The following RIMS2 variants were observed in gnomAD, a reference collection of about 807,000 sequenced individuals.
RIMS2 encodes the protein regulating synaptic membrane exocytosis 2.
A neutral mutation model predicts 174.4 loss-of-function variants in RIMS2; 59 were observed. The observed-to-expected ratio is 0.34, with a 90% confidence interval of 0.27 to 0.42. The LOEUF (loss-of-function observed/expected upper bound fraction) is 0.42, where lower values mean the gene tolerates loss of function less well. RIMS2 is among the 10% of genes least tolerant of loss of function. The pLI is 1.00. For synonymous variants in RIMS2, 606 were observed against 572.5 expected (o/e 1.06, Z -0.84); for missense variants, 1,620 against 1,666.3 (o/e 0.97, Z 0.48).
chr8:103,690,877 GT>G, intron 1 of RIMS2, among the ~76,000 whole-genome samples: 1 of 152,250 alleles, frequency 6.6e-6, no homozygotes, highest in East Asian at 1.9e-4. Context: ...AGCATTTCTT[GT>G]TGGCAGGTCT....
In RIMS2 at chr8:103,822,515, T is replaced by G. The variant is rs577848242; in HGVS notation, c.698+55978T>G. ...TTAAATGAAATTTATCTATGAGTAA[T>G]AATTATTAAAATATTTTAGACTAAC... On this transcript the variant is annotated intron_variant, in intron 3 of 23. Transcript: ENST00000504942. Among the ~76,000 whole-genome samples, 8 of 151,944 alleles carry G rather than the reference T, an allele frequency of 5.3e-5. No individual in the cohort carries two copies. The East Asian group carries it at 1.5e-3, about 29-fold the overall frequency.
intron 1 of RIMS2, among the ~76,000 whole-genome samples, chr8:103,629,067 C>G (rs1024875): frequency 0.12 from 18,876 of 152,056 alleles, 1,273 homozygotes; most frequent in Middle Eastern, 0.22. Context: ...GATGCAGGCT[C>G]TCAGCAGAAA....
chr8:103,609,139 C>T (rs757425998), intron 1 of RIMS2, among the ~76,000 whole-genome samples: 1 of 152,088 alleles, frequency 6.6e-6, no homozygotes, highest in Non-Finnish European at 1.5e-5. Flanking sequence ...TGCTTGTTGG[C>T]CACATGTATG....
chr8:103,681,195 C>A (rs2096875891), intron 1 of RIMS2, among the ~76,000 whole-genome samples: 1 of 151,984 alleles, frequency 6.6e-6, no homozygotes, highest in Non-Finnish European at 1.5e-5. Context: ...TTACCATTTA[C>A]CAGCTGTTTG....
intron 19 of RIMS2, among the ~76,000 whole-genome samples, chr8:104,178,617 T>G (rs914279688): frequency 1.3e-5 from 2 of 152,138 alleles, no homozygotes; most frequent in African/African-American, 4.8e-5. Context: ...GGGAACATCT[T>G]TAGAATTCTG....
intron 3 of RIMS2, among the ~76,000 whole-genome samples, chr8:103,787,101 T>G (rs1158834932): frequency 6.8e-6 from 1 of 146,654 alleles, no homozygotes; most frequent in Admixed American, 6.8e-5. Flanking sequence ...AACCCCTGCC[T>G]TTTTTTGTTT....
At chr8:103,674,761 A>G (rs1164216090) in intron 1 of RIMS2, among the ~76,000 whole-genome samples, 2 of 152,140 alleles carry the variant, frequency 1.3e-5, no homozygotes, top group South Asian at 2.1e-4. Context: ...ACTGTTTTAT[A>G]TCAGCATTTG....
intron 3 of RIMS2, among the ~76,000 whole-genome samples, chr8:103,780,778 T>C (rs1188555885): frequency 6.6e-6 from 1 of 152,168 alleles, no homozygotes; most frequent in Admixed American, 6.6e-5. Flanking sequence ...AATGGTTTCC[T>C]GTTTGCTATT....
At chr8:103,568,846 G>T (rs2092586885) in intron 1 of RIMS2, 2 of 1,159,014 alleles carry the variant, frequency 1.7e-6, no homozygotes, top group Admixed American at 3.5e-5. Flanking sequence ...GGGTTAGCTG[G>T]CTGGTCTTTG....
chr8:103,652,727 A>G lies in RIMS2; in HGVS notation c.177-44359A>G, dbSNP rs760760416. 5.3e-5 allele frequency: 68 copies of G among 1,290,946 alleles called. No individual in the cohort carries two copies. The highest frequency in any genetic ancestry group is 6.3e-5 in the Non-Finnish European group (61 of 970,232). 80.0% of individuals were successfully genotyped at this position (1,290,946 alleles called of 1,614,324 possible). A position where few individuals can be genotyped will look rare whatever the true frequency, so the allele number is the denominator to read the frequency against. On this transcript the variant is annotated intron_variant, in intron 1 of 23. Transcript: ENST00000504942. ...GCCCCAGACGTAAGTAAGCTGATCTATATAGACTAAATATTATCTCTGATA... is the reference window on the plus strand; with the variant it reads ...GCCCCAGACGTAAGTAAGCTGATCTGTATAGACTAAATATTATCTCTGATA...
intron 2 of RIMS2, among the ~76,000 whole-genome samples, chr8:103,712,646 A>G (rs1432577603): frequency 6.6e-6 from 1 of 152,220 alleles, no homozygotes; most frequent in African/African-American, 2.4e-5. Flanking sequence ...ATAGGAGACT[A>G]TACAACAGTT....
At chr8:103,529,148 A>G (rs1169734529) in intron 1 of RIMS2, among the ~76,000 whole-genome samples, 8 of 152,242 alleles carry the variant, frequency 5.3e-5, no homozygotes, top group Non-Finnish European at 1.2e-4. Context: ...ATTCTCTTTG[A>G]AGCAGTTGTG....
At chr8:104,176,181 T>C (rs1327901856) in intron 19 of RIMS2, among the ~76,000 whole-genome samples, 1 of 152,190 alleles carries the variant, frequency 6.6e-6, no homozygotes, top group Non-Finnish European at 1.5e-5. Flanking sequence ...TATCTGGCAA[T>C]ATGTGCTCCC....
chr8:104,231,735 T>C lies in RIMS2; in HGVS notation c.3335-13181T>C, dbSNP rs532211150. 3.8e-4 allele frequency among the ~76,000 whole-genome samples: 58 copies of C among 152,358 alleles called. No homozygotes were observed. The South Asian group carries it at 0.012, about 32-fold the overall frequency. On this transcript the variant is annotated intron_variant, in intron 19 of 23. Transcript: ENST00000504942. ...TCGTGAACTAGTATTATGCTTACTA[T>C]TCCCTTATACTCCCATTTCAAAATA...
exon 4 of RIMS2, chr8:103,886,171 A>G (rs199716894): frequency 1.7e-4 from 276 of 1,612,456 alleles, no homozygotes; most frequent in Middle Eastern, 1.7e-4. Flanking sequence ...CCACGCCTGA[A>G]TATACAAGTT....
chr8:103,633,995 A>G (rs2096011114), intron 1 of RIMS2, among the ~76,000 whole-genome samples: 1 of 152,186 alleles, frequency 6.6e-6, no homozygotes, highest in Admixed American at 6.5e-5. Context: ...TCTTTTGAAT[A>G]ATTTTTCGTG....
chr8:103,833,851 T>C (rs2098841170), intron 3 of RIMS2, among the ~76,000 whole-genome samples: 1 of 152,200 alleles, frequency 6.6e-6, no homozygotes, highest in African/African-American at 2.4e-5. Flanking sequence ...ACAGTCTTCA[T>C]TGATTGCTTT....
At chr8:103,510,929 T>C (rs531063573) in intron 1 of RIMS2, among the ~76,000 whole-genome samples, 2 of 152,304 alleles carry the variant, frequency 1.3e-5, no homozygotes, top group South Asian at 4.1e-4. Context: ...CCAGTAGATA[T>C]AAATTTGGAT....
chr8:104,061,702 T>C (rs888054280), intron 19 of RIMS2, among the ~76,000 whole-genome samples: 2 of 151,238 alleles, frequency 1.3e-5, no homozygotes, highest in Admixed American at 6.6e-5. Context: ...GTTTTATAAT[T>C]ACTAATTGCA....
Sources: allele counts gnomAD v4.1 joint callset (sites outside exome capture counted in the v4.1 genomes callset), GRCh38; gene constraint gnomAD v4.1.1; transcripts MANE v1.5; gene names NCBI Gene and HGNC (gene_info 2026-07-23, HGNC 2026-07-21).